The following GALNT13 variants were observed in gnomAD, a reference collection of about 807,000 sequenced individuals.
The protein encoded by GALNT13 is polypeptide N-acetylgalactosaminyltransferase 13.
A neutral mutation model predicts 64.2 loss-of-function variants in GALNT13; 28 were observed. The observed-to-expected ratio is 0.44, with a 90% CI of 0.32 to 0.60. The LOEUF is 0.60. GALNT13 is among the 20% of genes least tolerant of loss of function. GALNT13 has a pLI of 0.05. For synonymous variants in GALNT13, 214 were observed against 224.6 expected (o/e 0.95, Z 0.42); for missense variants, 577 against 669.8 (o/e 0.86, Z 1.53).
chr2:153,921,359 C>T (rs1301745435), intron 2 of GALNT13, among the ~76,000 whole-genome samples: 1 of 152,042 alleles, frequency 6.6e-6, no homozygotes, highest in Non-Finnish European at 1.5e-5. Context: ...AGTAAAATAA[C>T]ACAGGAACAG....
At chr2:154,194,090 C>A (rs1015786503) in intron 4 of GALNT13, among the ~76,000 whole-genome samples, 1 of 152,146 alleles carries the variant, frequency 6.6e-6, no homozygotes, top group African/African-American at 2.4e-5. Context: ...ACTTGTGTCC[C>A]AGCCTAAACT....
chr2:153,219,258 A>G, the GALNT13 span, among the ~76,000 whole-genome samples: 2 of 152,180 alleles, frequency 1.3e-5, no homozygotes, highest in Admixed American at 1.3e-4. Flanking sequence ...ACAAATGAAA[A>G]CTTAGAGTTT....
chr2:154,092,628 G>C (rs557514423), intron 3 of GALNT13, among the ~76,000 whole-genome samples: 1 of 151,990 alleles, frequency 6.6e-6, no homozygotes, highest in Non-Finnish European at 1.5e-5. Flanking sequence ...ATAAGAAGTG[G>C]CTTGAAGGGT....
intron 4 of GALNT13, among the ~76,000 whole-genome samples, chr2:154,223,475 G>C (rs1688430628): frequency 8.8e-6 from 1 of 113,390 alleles, no homozygotes; most frequent in Admixed American, 1.0e-4. Context: ...TTTTGAGACA[G>C]AGTTTTGCTC....
At chr2:154,248,230 T>C (rs994931753) in intron 7 of GALNT13, among the ~76,000 whole-genome samples, 2 of 152,142 alleles carry the variant, frequency 1.3e-5, no homozygotes, top group African/African-American at 4.8e-5. Flanking sequence ...GTTGAACTTG[T>C]GACCTAAATC....
the GALNT13 span, among the ~76,000 whole-genome samples, chr2:153,250,883 G>C: frequency 6.6e-6 from 1 of 151,878 alleles, no homozygotes; most frequent in Non-Finnish European, 1.5e-5. Flanking sequence ...TCATGGGGTG[G>C]GGGGCAAAGG....
chr2:153,083,771 G>A, the GALNT13 span, among the ~76,000 whole-genome samples: 2 of 152,130 alleles, frequency 1.3e-5, no homozygotes, highest in African/African-American at 4.8e-5. Flanking sequence ...CTTTGTTTTT[G>A]TTGCATTTGC....
the GALNT13 span, among the ~76,000 whole-genome samples, chr2:153,210,937 T>C: frequency 6.6e-6 from 1 of 152,124 alleles, no homozygotes; most frequent in South Asian, 2.1e-4. Context: ...GTAATAATTA[T>C]AGTGACATAA....
At chr2:153,994,903 G>A (rs983448099) in intron 3 of GALNT13, among the ~76,000 whole-genome samples, 1 of 151,888 alleles carries the variant, frequency 6.6e-6, no homozygotes, top group Non-Finnish European at 1.5e-5. Context: ...CTTTTGCTGT[G>A]CAGAAGCTTT....
chr2:153,984,671 TTA>T (rs1417268532), intron 3 of GALNT13, among the ~76,000 whole-genome samples: 1 of 151,808 alleles, frequency 6.6e-6, no homozygotes, highest in Non-Finnish European at 1.5e-5. Context: ...ATGTATACAG[TTA>T]TATAAGCAAC....
chr2:153,795,100 A>C, the GALNT13 span, among the ~76,000 whole-genome samples: 1 of 152,172 alleles, frequency 6.6e-6, no homozygotes, highest in African/African-American at 2.4e-5. Flanking sequence ...TGAGTGCCCC[A>C]GATTTGTGAA....
chr2:153,401,795 C>G, the GALNT13 span, among the ~76,000 whole-genome samples: 1 of 151,588 alleles, frequency 6.6e-6, no homozygotes, highest in Admixed American at 6.6e-5. Flanking sequence ...CTTTCTCCAT[C>G]CTTTTATTTT....
chr2:153,837,986 C>T, the GALNT13 span, among the ~76,000 whole-genome samples: 233 of 152,000 alleles, frequency 1.5e-3, 1 homozygote, highest in African/African-American at 5.2e-3. Flanking sequence ...GGTGACATCT[C>T]GTTGTTTTGA....
chr2:153,491,773 A>C, the GALNT13 span, among the ~76,000 whole-genome samples: 1 of 151,948 alleles, frequency 6.6e-6, no homozygotes, highest in Admixed American at 6.6e-5. Flanking sequence ...GGTGCCAGCC[A>C]CCGTGCCCAA....
At chr2:153,865,139 C>A in the GALNT13 span, among the ~76,000 whole-genome samples, 1 of 119,524 alleles carries the variant, frequency 8.4e-6, no homozygotes, top group East Asian at 2.2e-4. Context: ...CCCTTCCTTA[C>A]ACCTTATACA....
At chr2:153,203,822 A>T in the GALNT13 span, among the ~76,000 whole-genome samples, 1 of 152,074 alleles carries the variant, frequency 6.6e-6, no homozygotes, top group South Asian at 2.1e-4. Context: ...AACTATTCTC[A>T]CAAAATATTT....
the GALNT13 span, among the ~76,000 whole-genome samples, chr2:153,670,748 C>T: frequency 6.6e-6 from 1 of 152,146 alleles, no homozygotes; most frequent in East Asian, 1.9e-4. Context: ...TAATAACAAA[C>T]TTCTCTGAGC....
the GALNT13 span, among the ~76,000 whole-genome samples, chr2:153,807,237 A>C: frequency 7.4e-6 from 1 of 134,340 alleles, no homozygotes; most frequent in Non-Finnish European, 1.7e-5. Flanking sequence ...TATTAGATAG[A>C]TAGACATATA....
At chr2:153,254,244 GT>G in the GALNT13 span, among the ~76,000 whole-genome samples, 1 of 152,204 alleles carries the variant, frequency 6.6e-6, no homozygotes, top group Non-Finnish European at 1.5e-5. Context: ...AGATTTTCTA[GT>G]TTATTTGCGT....
Sources: gnomAD v4.1 joint callset for allele counts (sites outside exome capture counted in the v4.1 genomes callset) on GRCh38, gnomAD v4.1.1 for gene constraint, MANE v1.5 for transcripts, NCBI Gene and HGNC (gene_info 2026-07-23, HGNC 2026-07-21) for gene names.